Variants in PAPPA observed in about 807,000 individuals in gnomAD.
PAPPA encodes the protein pappalysin-1.
PAPPA carries 60 observed loss-of-function variants against 164.0 expected under a neutral mutation model. The ratio of observed to expected loss-of-function variants is 0.37; its 90% confidence interval spans 0.30 to 0.45. PAPPA has a LOEUF of 0.45. Ranked by LOEUF, PAPPA falls within the 20% of genes least tolerant of loss-of-function variation. The pLI, the probability that PAPPA is intolerant of heterozygous loss-of-function variation, is 1.00. For missense variants in PAPPA, 1,782 were observed against 2,087.3 expected (o/e 0.85, Z 2.85); for synonymous variants, 875 against 814.1 (o/e 1.07, Z -1.27).
intron 19 of PAPPA, 53 bp downstream of exon 19, chr9:116,367,807 A>G: frequency 8.3e-7 from 1 of 1,200,806 alleles, no homozygotes; most frequent in Non-Finnish European, 1.2e-6. Flanking sequence ...GGGAAATGAT[A>G]TTGTTGAGCA....
intron 9 of PAPPA, among the ~76,000 whole-genome samples, chr9:116,294,059 G>A (rs77059696): frequency 0.014 from 2,177 of 152,306 alleles, 61 homozygotes; most frequent in African/African-American, 0.05. Flanking sequence ...TTGAGGTGAG[G>A]AAGATGCAAA....
chr9:116,218,919 G>C (rs1398853464), intron 4 of PAPPA, among the ~76,000 whole-genome samples: 1 of 152,120 alleles, frequency 6.6e-6, no homozygotes, highest in East Asian at 1.9e-4. Context: ...AGAAGGAAAG[G>C]GGTTTACCGT....
At chr9:116,265,138 T>A (rs1186012760) in intron 7 of PAPPA, among the ~76,000 whole-genome samples, 3 of 152,216 alleles carry the variant, frequency 2.0e-5, no homozygotes, top group African/African-American at 7.2e-5. Flanking sequence ...CATATGATTG[T>A]AAGCAAGTTG....
intron 1 of PAPPA, among the ~76,000 whole-genome samples, chr9:116,157,400 T>G (rs1197417794): frequency 7.9e-5 from 12 of 151,962 alleles, no homozygotes; most frequent in South Asian, 2.1e-4. Flanking sequence ...TATATACTAA[T>G]ACATAAAAAA....
At chr9:116,175,309 G>A (rs1171236546) in intron 1 of PAPPA, among the ~76,000 whole-genome samples, 4 of 152,122 alleles carry the variant, frequency 2.6e-5, no homozygotes, top group African/African-American at 9.7e-5. Context: ...CACTTCAAGA[G>A]ATCTATTATA....
At chr9:116,312,757 G>A (rs867731737) in intron 10 of PAPPA, among the ~76,000 whole-genome samples, 1 of 152,046 alleles carries the variant, frequency 6.6e-6, no homozygotes, top group Admixed American at 6.6e-5. Context: ...CCTGTAGAAT[G>A]AGACCAGAAA....
chr9:116,176,861 T>C (rs1484981724), intron 1 of PAPPA, among the ~76,000 whole-genome samples: 1 of 152,092 alleles, frequency 6.6e-6, no homozygotes, highest in Non-Finnish European at 1.5e-5. Flanking sequence ...GGTCTGATTA[T>C]AGCAAAACTG....
chr9:116,400,730 C>CTT lies in PAPPA; in HGVS notation c.*4115_*4116dup, dbSNP rs1225472483. The CTT allele has an allele frequency of 6.6e-6, 1 of 152,282 alleles. No individual in the cohort carries two copies. Among genetic ancestry groups the CTT allele is most frequent in the Non-Finnish European group, 1.5e-5 (1 of 68,044 alleles). The allele number at this position is 152,282 out of a possible 1,614,324, so 9.4% of individuals were successfully genotyped here. A position where few individuals can be genotyped will look rare whatever the true frequency, so the allele number is the denominator to read the frequency against. ...AATGAATAAAAGCCTGTTCTTGTAACTTATTCAACTTTTGCCAAATTCCTA... is the reference window on the plus strand; with the variant it reads ...AATGAATAAAAGCCTGTTCTTGTAACTTTTATTCAACTTTTGCCAAATTCCTA... On this transcript the variant is annotated 3_prime_UTR_variant, in exon 22 of 22. Transcript: ENST00000328252.
At chr9:116,191,633 G>A (rs577948894) in intron 2 of PAPPA, among the ~76,000 whole-genome samples, 11 of 152,258 alleles carry the variant, frequency 7.2e-5, no homozygotes, top group African/African-American at 2.6e-4. Context: ...CACACAGTAG[G>A]ACAGGAGACT....
At chr9:116,248,464 G>A (rs547211179) in intron 7 of PAPPA, among the ~76,000 whole-genome samples, 1 of 152,266 alleles carries the variant, frequency 6.6e-6, no homozygotes, top group African/African-American at 2.4e-5. Flanking sequence ...AAGTAAAGAC[G>A]GAGGCAGCAG....
intron 12 of PAPPA, 34 bp from the exon 13 acceptor site, chr9:116,334,827 C>A: frequency 6.5e-7 from 1 of 1,546,646 alleles, no homozygotes; most frequent in Non-Finnish European, 8.9e-7. Context: ...GAGTAATGAG[C>A]CTGGCCCCTC....
At chr9:116,304,748 T>A (rs556134666) in intron 10 of PAPPA, among the ~76,000 whole-genome samples, 88 of 152,260 alleles carry the variant, frequency 5.8e-4, no homozygotes, top group African/African-American at 2.0e-3. Context: ...AAAATCATTA[T>A]AAATACTAGC....
At chr9:116,170,779 A>T (rs1843767762) in intron 1 of PAPPA, among the ~76,000 whole-genome samples, 1 of 151,670 alleles carries the variant, frequency 6.6e-6, no homozygotes, top group Admixed American at 6.6e-5. Context: ...CCATCCTTCC[A>T]TTCTTGGATA....
rs1438136213 is a variant in PAPPA at position 116,396,952 on chromosome 9, G to A, written c.*336G>A. On this transcript the variant is annotated 3_prime_UTR_variant, in exon 22 of 22. Coordinates refer to ENST00000328252, the MANE Select transcript of PAPPA (RefSeq NM_002581.5). ...TCTAGAGTGTGCCCATCTGTGTTTA[G>A]TACACATGCATGCATACACACCCAT... is the stretch of plus-strand genomic sequence containing the variant. 3.2e-6 allele frequency: 1 copy of A among 307,886 alleles called. No homozygotes were observed. Among genetic ancestry groups the A allele is most frequent in the Non-Finnish European group, 6.1e-6 (1 of 164,524 alleles). The allele number at this position is 307,886 out of a possible 1,614,324, so 19.1% of individuals were successfully genotyped here. A position where few individuals can be genotyped will look rare whatever the true frequency, so the allele number is the denominator to read the frequency against.
rs1843582748 is a variant in PAPPA, at chr9:116,154,864, T to TC, written c.415+280dup. Among the ~76,000 whole-genome samples the TC allele has an allele frequency of 6.6e-6, 1 of 152,212 alleles. No homozygotes were observed. Among genetic ancestry groups the TC allele is most frequent in the African/African-American group, 2.4e-5 (1 of 41,468 alleles). On this transcript the variant is annotated intron_variant, in intron 1 of 21. Transcript: ENST00000328252. The surrounding 1 kb of genome is among the most constrained non-coding windows in gnomAD (Gnocchi z 5.2). ...GGACCCTCGGCCAGTGAGGGCTGGTTCCCGGAGCCTAGGGCACGTAACCCG... is the reference window on the plus strand; with the variant it reads ...GGACCCTCGGCCAGTGAGGGCTGGTTCCCCGGAGCCTAGGGCACGTAACCCG...
At chr9:116,230,412 T>A (rs372652267) in intron 6 of PAPPA, among the ~76,000 whole-genome samples, 1 of 152,022 alleles carries the variant, frequency 6.6e-6, no homozygotes, top group Non-Finnish European at 1.5e-5. Flanking sequence ...GGAAAAAACA[T>A]GGGGAATGCA....
intron 1 of PAPPA, among the ~76,000 whole-genome samples, chr9:116,172,687 A>G (rs563281620): frequency 2.0e-5 from 3 of 152,172 alleles, no homozygotes; most frequent in South Asian, 2.1e-4. Context: ...CTCCTCATCA[A>G]TCTTCTCTGT....
chr9:116,393,124 A>G (rs1430776821), intron 21 of PAPPA, among the ~76,000 whole-genome samples: 1 of 152,176 alleles, frequency 6.6e-6, no homozygotes. Flanking sequence ...GCAAGGCCTT[A>G]CCAGCCAACA....
intron 9 of PAPPA, among the ~76,000 whole-genome samples, chr9:116,277,336 A>G (rs990896890): frequency 2.6e-5 from 4 of 152,154 alleles, no homozygotes; most frequent in Admixed American, 1.3e-4. Flanking sequence ...AAAAAGAAAG[A>G]GGAATATAGG....
Sources: allele counts gnomAD v4.1 joint callset (sites outside exome capture counted in the v4.1 genomes callset), GRCh38; gene constraint gnomAD v4.1.1; non-coding constraint Gnocchi (gnomAD v3.1); transcripts MANE v1.5; gene names NCBI Gene and HGNC (gene_info 2026-07-23, HGNC 2026-07-21).